MCTP2: variants seen among roughly 807,000 people sequenced by gnomAD.
MCTP2 encodes multiple C2 and transmembrane domain-containing protein 2.
MCTP2 carries 132 observed loss-of-function variants against 111.6 expected under a neutral mutation model. The observed-to-expected ratio is 1.18, with a 90% confidence interval of 1.03 to 1.37. MCTP2 has a LOEUF of 1.37. Ranked by LOEUF, MCTP2 falls within the 40% of genes most tolerant of loss-of-function variation. The pLI, the probability that MCTP2 is intolerant of heterozygous loss-of-function variation, is 0.00. For missense variants in MCTP2, 1,183 were observed against 1,067.9 expected, an observed-to-expected ratio of 1.11 and a Z score of -1.50; for synonymous variants, 395 against 387.7, an observed-to-expected ratio of 1.02 and a Z score of -0.22.
At chr15:94,414,688 A>T (rs747877200) in intron 17 of MCTP2, among the ~76,000 whole-genome samples, 1 of 152,122 alleles carries the variant, frequency 6.6e-6, no homozygotes, top group African/African-American at 2.4e-5. Context: ...TTTCTTTTGC[A>T]TATTCCAGTG....
intron 7 of MCTP2, 126 bp downstream of exon 7, chr15:94,341,050 A>T: frequency 1.5e-6 from 1 of 664,342 alleles, no homozygotes. Context: ...GGGGTGCAAC[A>T]TTTTATGGAG....
intron 14 of MCTP2, among the ~76,000 whole-genome samples, chr15:94,397,894 T>C (rs1030995455): frequency 1.3e-5 from 2 of 152,208 alleles, no homozygotes; most frequent in Non-Finnish European, 2.9e-5. Flanking sequence ...CTGAGGCCCT[T>C]TTAGAGTTAA....
intron 4 of MCTP2, among the ~76,000 whole-genome samples, chr15:94,315,925 C>A (rs764394024): frequency 2.3e-4 from 35 of 152,182 alleles, no homozygotes; most frequent in Non-Finnish European, 3.8e-4. Context: ...GGCAACTGTT[C>A]AAGAAAATGT....
chr15:94,388,724 T>G (rs2080675125), intron 14 of MCTP2, among the ~76,000 whole-genome samples: 1 of 152,174 alleles, frequency 6.6e-6, no homozygotes, highest in Non-Finnish European at 1.5e-5. Flanking sequence ...AACCATCAGT[T>G]CTCTAAGGAC....
At chr15:94,268,482 G>A (rs1450485451) in intron 1 of MCTP2, among the ~76,000 whole-genome samples, 4 of 151,876 alleles carry the variant, frequency 2.6e-5, no homozygotes, top group South Asian at 2.1e-4. Flanking sequence ...ATGAGCCACC[G>A]CGCCTGGCCA....
rs754607553 is a variant in MCTP2, at chr15:94,384,031, A to G, written c.1592A>G (p.Asp531Gly). ...LLAADFSGKSDPFCLLELGND... is the reference protein window; with the variant it reads ...LLAADFSGKSGPFCLLELGND... The stretch of plus-strand genomic sequence containing the variant: ...TATGTTATCTTTCCAGGGAAGAGTG[A>G]CCCATTTTGCTTGTTGGAGTTAGGC... Residue 531 changes from aspartate (D) to glycine (G), a missense_variant, in exon 13 of 23, where the codon GAC (aspartate) becomes GGC (glycine). Coordinates refer to ENST00000357742, the MANE Select transcript of MCTP2 (RefSeq NM_001385001.1). 1.2e-6 allele frequency: 2 copies of G among 1,612,396 alleles called. No homozygotes were observed. The highest frequency in any genetic ancestry group is 2.7e-5 in the African/African-American group (2 of 74,852).
intron 1 of MCTP2, among the ~76,000 whole-genome samples, chr15:94,262,739 C>T (rs749314543): frequency 1.5e-4 from 23 of 151,684 alleles, no homozygotes; most frequent in Non-Finnish European, 3.2e-4. Flanking sequence ...GGAGTGATCT[C>T]GGCTCACTGC....
Position 94,476,649 on chromosome 15 carries a change from T to TAGACAGACAGAC in MCTP2, c.2471-43_2471-32dup, listed in dbSNP as rs753349952. 154 of 736,800 alleles carry TAGACAGACAGAC rather than the reference T, an allele frequency of 2.1e-4. No individual in the cohort carries two copies. In the African/African-American group the frequency reaches 3.0e-3, roughly 14 times the overall value. 45.6% of individuals were successfully genotyped at this position (736,800 alleles called of 1,614,324 possible). On this transcript the variant is annotated intron_variant, in intron 21 of 22. Transcript: ENST00000357742. ...ATAGATAGATAGATAGATAGATAGA[T>TAGACAGACAGAC]AGACAGACAGACAGATAAAGAGATC...
intron 1 of MCTP2, among the ~76,000 whole-genome samples, chr15:94,286,639 T>TCC (rs1489390261): frequency 2.6e-5 from 4 of 152,214 alleles, no homozygotes; most frequent in African/African-American, 9.7e-5. Flanking sequence ...TTTCCTACCT[T>TCC]GCGGTTCTTA....
intron 10 of MCTP2, among the ~76,000 whole-genome samples, chr15:94,360,775 G>A (rs2078886952): frequency 6.8e-6 from 1 of 147,220 alleles, no homozygotes; most frequent in South Asian, 2.1e-4. Flanking sequence ...TATTATTTTA[G>A]CTATTTCCTG....
chr15:94,331,955 G>A (rs997988652), intron 4 of MCTP2, among the ~76,000 whole-genome samples: 1 of 152,130 alleles, frequency 6.6e-6, no homozygotes, highest in Non-Finnish European at 1.5e-5. Flanking sequence ...AGAAGCATGC[G>A]GCCCTTATCT....
At chr15:94,312,241 T>A (rs917082820) in intron 2 of MCTP2, among the ~76,000 whole-genome samples, 3 of 152,218 alleles carry the variant, frequency 2.0e-5, no homozygotes, top group African/African-American at 7.2e-5. Context: ...TGGGAAATGA[T>A]AGTGTATGGT....
chr15:94,268,623 C>A (rs1417400994), intron 1 of MCTP2, among the ~76,000 whole-genome samples: 2 of 152,110 alleles, frequency 1.3e-5, no homozygotes, highest in African/African-American at 2.4e-5. Context: ...TCATTAAATA[C>A]CGTCAGAACT....
intron 6 of MCTP2, 95 bp from the exon 7 acceptor site, chr15:94,340,718 G>T: frequency 2.9e-6 from 2 of 683,722 alleles, no homozygotes; most frequent in Non-Finnish European, 5.0e-6. Flanking sequence ...TCCTTATTCA[G>T]AGGTAGGAGA....
At chr15:94,346,333 G>A (rs2077981875) in intron 8 of MCTP2, among the ~76,000 whole-genome samples, 1 of 151,990 alleles carries the variant, frequency 6.6e-6, no homozygotes, top group African/African-American at 2.4e-5. Flanking sequence ...GAGTTCACTT[G>A]GTTCCCAAGA....
chr15:94,367,365 T>C (rs926874771), intron 10 of MCTP2, among the ~76,000 whole-genome samples: 1 of 152,200 alleles, frequency 6.6e-6, no homozygotes, highest in Admixed American at 6.5e-5. Context: ...TCTTTTCATT[T>C]TCCATCTGCC....
At chr15:94,238,231 G>A (rs540303398) in intron 1 of MCTP2, among the ~76,000 whole-genome samples, 2 of 152,264 alleles carry the variant, frequency 1.3e-5, no homozygotes, top group South Asian at 4.1e-4. Flanking sequence ...TGAACAAGGA[G>A]GTTGTTGAAA....
At chr15:94,376,807 A>G (rs1375077760) in intron 12 of MCTP2, among the ~76,000 whole-genome samples, 1 of 152,196 alleles carries the variant, frequency 6.6e-6, no homozygotes, top group South Asian at 2.1e-4. Flanking sequence ...AGGCAAAAAA[A>G]TATGCTTCAT....
At chr15:94,348,116 T>A (rs370298723) in intron 8 of MCTP2, among the ~76,000 whole-genome samples, 93 of 152,288 alleles carry the variant, frequency 6.1e-4, no homozygotes, top group African/African-American at 2.2e-3. Flanking sequence ...ACATGACTTA[T>A]ACTAGTGTAA....
Sources: gnomAD v4.1 joint callset for allele counts (sites outside exome capture counted in the v4.1 genomes callset) on GRCh38, gnomAD v4.1.1 for gene constraint, MANE v1.5 for transcripts, NCBI Gene and HGNC (gene_info 2026-07-23, HGNC 2026-07-21) for gene names.